Variants in CFAP61 observed in about 807,000 individuals in gnomAD.
CFAP61 encodes the protein cilia and flagella associated protein 61, also known as cilia- and flagella-associated protein 61.
A neutral mutation model predicts 135.6 loss-of-function variants in CFAP61; 107 were observed. The ratio of observed to expected loss-of-function variants is 0.79; its 90% CI spans 0.67 to 0.93. The LOEUF (loss-of-function observed/expected upper bound fraction) is 0.93. Ranked by LOEUF, CFAP61 falls within the 40% of genes least tolerant of loss-of-function variation. CFAP61 has a pLI of 0.00. For synonymous variants in CFAP61, 575 were observed against 578.5 expected (o/e 0.99, Z 0.09); for missense variants, 1,507 against 1,556.2 (o/e 0.97, Z 0.53).
intron 22 of CFAP61, among the ~76,000 whole-genome samples, chr20:20,286,833 C>T (rs111871056): frequency 8.0e-4 from 122 of 152,224 alleles, no homozygotes; most frequent in African/African-American, 2.9e-3. Context: ...ATACTGGTAA[C>T]CTTTAAAACC....
At chr20:20,090,743 T>A in intron 6 of CFAP61, 101 bp from the exon 7 acceptor site, 5 of 949,836 alleles carry the variant, frequency 5.3e-6, no homozygotes, top group African/African-American at 1.7e-5. Flanking sequence ...AGTGTTGCTC[T>A]AGCCCCGGCA....
intron 2 of CFAP61, among the ~76,000 whole-genome samples, chr20:20,057,152 C>CAATTTTATG (rs1329015577): frequency 6.7e-6 from 1 of 149,014 alleles, no homozygotes; most frequent in East Asian, 2.0e-4. Context: ...GAAGGTTCCT[C>CAATTTTATG]AATTTTATGA....
At chr20:20,085,628 T>A (rs762189538) in intron 6 of CFAP61, 44 of 701,712 alleles carry the variant, frequency 6.3e-5, no homozygotes, top group Non-Finnish European at 8.8e-5. Context: ...TCCTGATGTT[T>A]ATAGCTACAG....
intron 21 of CFAP61, chr20:20,267,697 C>T (rs6515093): frequency 0.42 from 64,159 of 152,098 alleles, 13,726 homozygotes; most frequent in Middle Eastern, 0.49. Flanking sequence ...GCCACGAAAA[C>T]GTAGCCTCGC....
chr20:20,177,520 C>G (rs750119905), intron 13 of CFAP61, among the ~76,000 whole-genome samples: 15 of 44,930 alleles, frequency 3.3e-4, no homozygotes, highest in African/African-American at 1.5e-3. Flanking sequence ...GAGGAGAGTG[C>G]TGGCTGATGT....
intron 17 of CFAP61, among the ~76,000 whole-genome samples, chr20:20,214,769 G>A (rs933076131): frequency 6.6e-6 from 1 of 152,166 alleles, no homozygotes; most frequent in African/African-American, 2.4e-5. Flanking sequence ...GGAAAATTTG[G>A]GAGCAGGGCT....
At chr20:20,230,643 C>A (rs1400889911) in intron 18 of CFAP61, among the ~76,000 whole-genome samples, 6 of 152,050 alleles carry the variant, frequency 3.9e-5, no homozygotes. Flanking sequence ...ACCTCCGCCT[C>A]CCCCCAGGTT....
intron 8 of CFAP61, among the ~76,000 whole-genome samples, chr20:20,112,109 T>TA (rs1247670205): frequency 6.6e-6 from 1 of 152,130 alleles, no homozygotes; most frequent in Non-Finnish European, 1.5e-5. Flanking sequence ...AGAAGAGACT[T>TA]AAATGGTGTG....
chr20:20,330,235 C>T (rs1036432651), intron 25 of CFAP61, among the ~76,000 whole-genome samples: 2 of 152,184 alleles, frequency 1.3e-5, no homozygotes, highest in Admixed American at 6.5e-5. Flanking sequence ...TTAGTCAATA[C>T]AAAAACAGTA....
chr20:20,148,327 G>T (rs1236196076), intron 9 of CFAP61, among the ~76,000 whole-genome samples: 2 of 152,142 alleles, frequency 1.3e-5, no homozygotes, highest in African/African-American at 4.8e-5. Context: ...CATTGAATCT[G>T]TAGATTGCTT....
chr20:20,313,967 T>C (rs940726726), intron 25 of CFAP61, among the ~76,000 whole-genome samples: 5 of 152,120 alleles, frequency 3.3e-5, no homozygotes, highest in Non-Finnish European at 5.9e-5. Context: ...ATTCAGTTTC[T>C]CCAGAGCAAG....
intron 17 of CFAP61, among the ~76,000 whole-genome samples, chr20:20,224,968 T>C (rs2048634537): frequency 6.6e-6 from 1 of 152,098 alleles, no homozygotes; most frequent in Non-Finnish European, 1.5e-5. Flanking sequence ...CAAAACAGAA[T>C]CTCCAATGCA....
chr20:20,252,738 C>T (rs1411589265), intron 20 of CFAP61, among the ~76,000 whole-genome samples: 2 of 152,194 alleles, frequency 1.3e-5, no homozygotes, highest in African/African-American at 4.8e-5. Flanking sequence ...TCCTTCACGT[C>T]GCCAAGCGCA....
chr20:20,145,234 A>G (rs867021892), intron 9 of CFAP61, among the ~76,000 whole-genome samples: 63 of 152,314 alleles, frequency 4.1e-4, no homozygotes, highest in South Asian at 1.4e-3. Context: ...ATGTATGACA[A>G]GAATAGCACA....
At position 20,320,421 on chromosome 20, in the gene CFAP61, TATATATGTAATATA is replaced by T. The variant is rs1174246617; in HGVS notation, c.3423-21395_3423-21382del. 3.2e-4 allele frequency among the ~76,000 whole-genome samples: 20 copies of T among 62,444 alleles called. 4 individuals carry two copies. The highest frequency in any genetic ancestry group is 4.1e-4 in the Non-Finnish European group (15 of 36,600). 41.0% of individuals were successfully genotyped at this position (62,444 alleles called of 152,430 possible). A position where few individuals can be genotyped will look rare whatever the true frequency, so the allele number is the denominator to read the frequency against. ...TATATGTAATATATGTAATATATAT[TATATATGTAATATA>T]ATATATGTAATATATATTATATATG... On this transcript the variant is annotated intron_variant, in intron 25 of 26. Coordinates refer to ENST00000245957, the MANE Select transcript of CFAP61 (RefSeq NM_015585.4).
At chr20:20,290,540 A>G in intron 24 of CFAP61, 149 bp downstream of exon 24, 1 of 638,628 alleles carries the variant, frequency 1.6e-6, no homozygotes, top group Non-Finnish European at 2.8e-6. Flanking sequence ...GATGGCCCTT[A>G]GTGACTCTCG....
At chr20:20,064,036 C>CCCCCA (rs1555833267) in intron 2 of CFAP61, among the ~76,000 whole-genome samples, 2 of 116,712 alleles carry the variant, frequency 1.7e-5, no homozygotes, top group Non-Finnish European at 3.7e-5. Context: ...AGAGTAACCG[C>CCCCCA]CCCCCACCCC....
intron 18 of CFAP61, among the ~76,000 whole-genome samples, chr20:20,230,075 C>T (rs1192128847): frequency 1.3e-5 from 2 of 152,140 alleles, no homozygotes; most frequent in Non-Finnish European, 2.9e-5. Flanking sequence ...TATACTTAGT[C>T]ATAATGTTTT....
At chr20:20,309,976 A>C (rs902030997) in intron 25 of CFAP61, among the ~76,000 whole-genome samples, 7 of 152,120 alleles carry the variant, frequency 4.6e-5, no homozygotes, top group Admixed American at 2.6e-4. Flanking sequence ...GGAGGGGTCA[A>C]CCTTATTAAT....
Sources: allele counts gnomAD v4.1 joint callset (sites outside exome capture counted in the v4.1 genomes callset), GRCh38; gene constraint gnomAD v4.1.1; transcripts MANE v1.5; gene names NCBI Gene and HGNC (gene_info 2026-07-23, HGNC 2026-07-21).